The following PDE1C variants were observed in gnomAD, a reference collection of about 807,000 sequenced individuals.
The protein encoded by PDE1C is dual specificity calcium/calmodulin-dependent 3',5'-cyclic nucleotide phosphodiesterase 1C.
In PDE1C, 62 loss-of-function variants were observed where a neutral mutation model predicts 93.1. The ratio of observed to expected loss-of-function variants is 0.67; its 90% CI spans 0.54 to 0.82. The LOEUF (loss-of-function observed/expected upper bound fraction) is 0.82. Ranked by LOEUF, PDE1C falls within the 40% of genes least tolerant of loss-of-function variation. The probability of loss-of-function intolerance (pLI) is 0.00; values close to 1 mark genes in which losing one functional copy is unlikely to be tolerated. For missense variants in PDE1C, 742 were observed against 884.6 expected (o/e 0.84, Z 2.04); for synonymous variants, 325 against 310.1 (o/e 1.05, Z -0.50).
chr7:31,765,497 A>T (rs181718270), intron 17 of PDE1C, among the ~76,000 whole-genome samples: 59 of 152,288 alleles, frequency 3.9e-4, no homozygotes, highest in African/African-American at 1.4e-3. Context: ...CCACTTGTGC[A>T]TGAGAAGATG....
intron 1 of PDE1C, among the ~76,000 whole-genome samples, chr7:32,219,618 C>T (rs2128852738): frequency 6.6e-6 from 1 of 152,290 alleles, no homozygotes; most frequent in Non-Finnish European, 1.5e-5. Flanking sequence ...GTGGTGATGT[C>T]CTGGGTGGCC....
chr7:32,323,679 A>C (rs530061695), intron 1 of PDE1C, among the ~76,000 whole-genome samples: 1 of 152,178 alleles, frequency 6.6e-6, no homozygotes, highest in Non-Finnish European at 1.5e-5. Context: ...AAAAGACTCT[A>C]AGGGAATACA....
intron 1 of PDE1C, among the ~76,000 whole-genome samples, chr7:32,287,298 C>T (rs1185906314): frequency 6.6e-6 from 1 of 152,186 alleles, no homozygotes; most frequent in Non-Finnish European, 1.5e-5. Flanking sequence ...TTAATGCTCT[C>T]ACAGCCCTCA....
chr7:31,712,267 A>G, the PDE1C span, among the ~76,000 whole-genome samples: 1 of 145,054 alleles, frequency 6.9e-6, no homozygotes, highest in Non-Finnish European at 1.5e-5. Context: ...TGATCAAAAA[A>G]TCTACAGTGA....
At chr7:31,646,118 G>A in the PDE1C span, among the ~76,000 whole-genome samples, 1 of 152,082 alleles carries the variant, frequency 6.6e-6, no homozygotes, top group African/African-American at 2.4e-5. Context: ...TTTAAGACAA[G>A]CATTACAAAG....
At chr7:31,965,248 C>A (rs7801724) in intron 2 of PDE1C, among the ~76,000 whole-genome samples, 60,141 of 151,990 alleles carry the variant, frequency 0.4, 12,313 homozygotes, top group Admixed American at 0.51. Context: ...ATAACCAATG[C>A]AGAGAAGTCC....
chr7:31,969,669 G>A (rs1213192656), intron 2 of PDE1C, among the ~76,000 whole-genome samples: 1 of 152,154 alleles, frequency 6.6e-6, no homozygotes, highest in Non-Finnish European at 1.5e-5. Context: ...TATAAATCAT[G>A]CTGCTATAAA....
At chr7:32,399,776 G>T (rs1364385137) in intron 1 of PDE1C, among the ~76,000 whole-genome samples, 1 of 150,330 alleles carries the variant, frequency 6.7e-6, no homozygotes, top group African/African-American at 2.5e-5. Flanking sequence ...TAGAGACAGG[G>T]TTTTGCCATT....
intron 1 of PDE1C, among the ~76,000 whole-genome samples, chr7:32,065,057 G>C (rs201723560): frequency 0.082 from 11,847 of 143,694 alleles, 863 homozygotes; most frequent in African/African-American, 0.18. Flanking sequence ...GCGGTGGGGG[G>C]GGGGGGGAGG....
chr7:32,302,825 G>T (rs1215292766), upstream of PDE1C, among the ~76,000 whole-genome samples: 1 of 152,124 alleles, frequency 6.6e-6, no homozygotes, highest in Non-Finnish European at 1.5e-5. Context: ...ACCATTCTCA[G>T]GTAGGAAGCT....
intron 1 of PDE1C, among the ~76,000 whole-genome samples, chr7:32,321,856 ATC>A (rs1180703539): frequency 6.6e-6 from 1 of 152,154 alleles, no homozygotes; most frequent in African/African-American, 2.4e-5. Context: ...AGTTGTTCAA[ATC>A]TCCTTAATCC....
intron 1 of PDE1C, among the ~76,000 whole-genome samples, chr7:32,312,244 G>T (rs1448692193): frequency 6.6e-6 from 1 of 151,994 alleles, no homozygotes; most frequent in East Asian, 1.9e-4. Context: ...CACTGCTCAA[G>T]GAAATAAAAG....
chr7:31,658,037 A>G, the PDE1C span, among the ~76,000 whole-genome samples: 1 of 152,196 alleles, frequency 6.6e-6, no homozygotes, highest in African/African-American at 2.4e-5. Flanking sequence ...AATTTGAGAA[A>G]CAATACTTGG....
intron 1 of PDE1C, among the ~76,000 whole-genome samples, chr7:32,255,972 G>A (rs1809765215): frequency 6.6e-6 from 1 of 152,210 alleles, no homozygotes; most frequent in Non-Finnish European, 1.5e-5. Flanking sequence ...ATAAAGCACT[G>A]CAGCAACTGT....
At position 32,113,321 on chromosome 7, in the gene PDE1C, T is replaced by TTA. The variant is rs1187040105; in HGVS notation, c.308+56462_308+56463dup. On this transcript the variant is annotated intron_variant, in intron 3 of 18. Transcript: ENST00000396193. ...TTTATTATGTTTACATATATAAATA[T>TTA]TATATATATATATCTATCTCAATTT... 4.6e-3 allele frequency among the ~76,000 whole-genome samples: 664 copies of TTA among 143,524 alleles called. 2 individuals carry two copies. Among genetic ancestry groups the TTA allele is most frequent in the African/African-American group, 0.015 (579 of 38,888 alleles). The allele number at this position is 143,524 out of a possible 152,430, so 94.2% of individuals were successfully genotyped here.
intron 2 of PDE1C, among the ~76,000 whole-genome samples, chr7:32,027,856 G>A (rs909310362): frequency 6.6e-6 from 1 of 151,858 alleles, no homozygotes. Context: ...AAAATCTGAT[G>A]TAGCAAGCCT....
At chr7:31,906,429 G>A (rs1800592100) in intron 2 of PDE1C, among the ~76,000 whole-genome samples, 1 of 152,128 alleles carries the variant, frequency 6.6e-6, no homozygotes, top group South Asian at 2.1e-4. Flanking sequence ...TGTGATTCCT[G>A]AATTTTAACT....
At chr7:31,871,014 G>A (rs181034241) in intron 6 of PDE1C, among the ~76,000 whole-genome samples, 2 of 150,598 alleles carry the variant, frequency 1.3e-5, no homozygotes, top group Admixed American at 6.6e-5. Context: ...GTATTTTCTG[G>A]TATTAGTATA....
the PDE1C span, among the ~76,000 whole-genome samples, chr7:31,623,175 A>G: frequency 6.6e-6 from 1 of 152,208 alleles, no homozygotes; most frequent in African/African-American, 2.4e-5. Flanking sequence ...TACCAGAGGT[A>G]CAAGGAGGAA....
Sources: allele counts gnomAD v4.1 joint callset (sites outside exome capture counted in the v4.1 genomes callset), GRCh38; gene constraint gnomAD v4.1.1; transcripts MANE v1.5; gene names NCBI Gene and HGNC (gene_info 2026-07-23, HGNC 2026-07-21).